Variants in TRPC4 observed in about 807,000 individuals in gnomAD.
TRPC4 encodes the protein short transient receptor potential channel 4.
Under a neutral mutation model 99.4 loss-of-function variants are expected in TRPC4, and 49 were observed. The ratio of observed to expected loss-of-function variants is 0.49; its 90% CI spans 0.39 to 0.63. The LOEUF is 0.63. Among genes scored for constraint, TRPC4 ranks in the 20% least tolerant of loss-of-function variants. The pLI, the probability that TRPC4 is intolerant of heterozygous loss-of-function variation, is 0.00. For missense variants in TRPC4, 898 were observed against 1,152.9 expected (o/e 0.78, Z 3.20); for synonymous variants, 454 against 425.9 (o/e 1.07, Z -0.81).
chr13:37,697,853 T>C (rs1953964156), intron 3 of TRPC4, among the ~76,000 whole-genome samples: 3 of 152,226 alleles, frequency 2.0e-5, no homozygotes, highest in South Asian at 4.1e-4. Context: ...TTGTATCTGA[T>C]AAATATACAA....
chr13:37,820,499 A>C (rs1050323743), intron 1 of TRPC4, among the ~76,000 whole-genome samples: 1 of 152,114 alleles, frequency 6.6e-6, no homozygotes, highest in Non-Finnish European at 1.5e-5. Flanking sequence ...ATAAAACTTC[A>C]GTTCAATATC....
intron 2 of TRPC4, among the ~76,000 whole-genome samples, chr13:37,770,066 T>C (rs1285649728): frequency 6.6e-6 from 1 of 151,566 alleles, no homozygotes; most frequent in Non-Finnish European, 1.5e-5. Context: ...CCTGAAATAT[T>C]TCCTTTTATA....
At chr13:37,725,076 A>C (rs1955003551) in intron 3 of TRPC4, among the ~76,000 whole-genome samples, 1 of 152,210 alleles carries the variant, frequency 6.6e-6, no homozygotes, top group Middle Eastern at 3.4e-3. Context: ...AAAAAAAGAA[A>C]CAAAAAATAA....
intron 1 of TRPC4, among the ~76,000 whole-genome samples, chr13:37,796,113 G>GT (rs1283272270): frequency 1.3e-5 from 2 of 152,146 alleles, no homozygotes; most frequent in African/African-American, 4.8e-5. Context: ...ATGCTCCTGA[G>GT]TGAGGCTGGT....
intron 7 of TRPC4, 102 bp downstream of exon 7, chr13:37,654,986 G>T (rs1952176326): frequency 2.1e-6 from 2 of 936,126 alleles, no homozygotes; most frequent in Non-Finnish European, 1.5e-6. Context: ...CTAATCAATA[G>T]CTAATTATAG....
At chr13:37,815,063 A>C (rs2139498005) in intron 1 of TRPC4, among the ~76,000 whole-genome samples, 1 of 151,914 alleles carries the variant, frequency 6.6e-6, no homozygotes, top group South Asian at 2.1e-4. Flanking sequence ...AAAGGTGTCA[A>C]GAAAAATTTA....
chr13:37,745,473 T>TATACACAC (rs1288455219), intron 3 of TRPC4, among the ~76,000 whole-genome samples: 6 of 5,390 alleles, frequency 1.1e-3, no homozygotes, highest in Admixed American at 3.7e-3. Context: ...TATATATATA[T>TATACACAC]ACACACACAC....
chr13:37,864,492 T>C (rs146077462), intron 1 of TRPC4, among the ~76,000 whole-genome samples: 3 of 151,822 alleles, frequency 2.0e-5, no homozygotes, highest in African/African-American at 4.8e-5. Flanking sequence ...ATTATCACAA[T>C]TGGCATCATT....
intron 2 of TRPC4, among the ~76,000 whole-genome samples, chr13:37,758,565 AATAAAAT>A (rs1956150027): frequency 6.6e-6 from 1 of 151,832 alleles, no homozygotes; most frequent in Non-Finnish European, 1.5e-5. Context: ...AAGATTAGAA[AATAAAAT>A]ATTAAGAAAC....
chr13:37,778,634 T>G (rs1956766311), intron 2 of TRPC4, among the ~76,000 whole-genome samples: 1 of 152,046 alleles, frequency 6.6e-6, no homozygotes, highest in African/African-American at 2.4e-5. Flanking sequence ...CCCTGCATTA[T>G]TTTTAGTAGA....
chr13:37,774,930 C>G (rs187368603), intron 2 of TRPC4, among the ~76,000 whole-genome samples: 1 of 149,146 alleles, frequency 6.7e-6, no homozygotes, highest in South Asian at 2.1e-4. Context: ...GTTTATATGA[C>G]TTACTATTAT....
rs530572740 is a variant in TRPC4 at position 37,634,290 on chromosome 13, T to A, written c.*2613A>T. Among the ~76,000 whole-genome samples, 96 of 152,204 alleles carry A rather than the reference T, an allele frequency of 6.3e-4. No homozygotes were observed. The highest frequency in any genetic ancestry group is 1.2e-3 in the Non-Finnish European group (82 of 67,960). The stretch of plus-strand genomic sequence containing the variant: ...CTGTTGTTTGACTTTTCTTATTTTA[T>A]CCCTACTCCTCATCTTCATTAATGC... On this transcript the variant is annotated 3_prime_UTR_variant, in exon 11 of 11. Coordinates refer to ENST00000379705, the MANE Select transcript of TRPC4 (RefSeq NM_016179.4).
intron 1 of TRPC4, among the ~76,000 whole-genome samples, chr13:37,788,499 G>A (rs562914986): frequency 3.9e-5 from 6 of 151,950 alleles, no homozygotes; most frequent in South Asian, 2.1e-4. Context: ...CAAGTCTTAC[G>A]AGTTTTCAGT....
chr13:37,846,600 C>T (rs569945981), intron 1 of TRPC4, among the ~76,000 whole-genome samples: 30 of 150,820 alleles, frequency 2.0e-4, no homozygotes, highest in South Asian at 4.2e-4. Context: ...CAAAGCATAC[C>T]GCCACAGAAA....
chr13:37,862,943 C>T (rs1959480942), intron 1 of TRPC4, among the ~76,000 whole-genome samples: 1 of 151,372 alleles, frequency 6.6e-6, no homozygotes, highest in Admixed American at 6.6e-5. Context: ...GATTATAATA[C>T]TGTATTTTTA....
intron 2 of TRPC4, among the ~76,000 whole-genome samples, chr13:37,768,068 C>T (rs17056597): frequency 0.1 from 15,142 of 151,248 alleles, 1,110 homozygotes; most frequent in African/African-American, 0.21. Flanking sequence ...AGGGAACAAA[C>T]TAAAGTGAGA....
rs1022681504 is a variant in TRPC4, at chr13:37,636,223, C to A, written c.*680G>T. ...CTGGAGGGGCGAGTTTTTTTCCTGA[C>A]AAAATGTCGTTAAAAATCATCAGTC... On this transcript the variant is annotated 3_prime_UTR_variant, in exon 11 of 11. Coordinates refer to ENST00000379705, the MANE Select transcript of TRPC4 (RefSeq NM_016179.4). Among the ~76,000 whole-genome samples, 4 of 151,654 alleles carry A rather than the reference C, an allele frequency of 2.6e-5. No individual in the cohort carries two copies. Among genetic ancestry groups the A allele is most frequent in the Non-Finnish European group, 5.9e-5 (4 of 67,904 alleles).
intron 2 of TRPC4, among the ~76,000 whole-genome samples, chr13:37,771,992 G>A (rs1956561976): frequency 1.3e-5 from 2 of 151,558 alleles, no homozygotes; most frequent in African/African-American, 4.8e-5. Context: ...TTGGACTAGG[G>A]GGCAGCTGTG....
chr13:37,831,097 T>TC (rs1958409762), intron 1 of TRPC4, among the ~76,000 whole-genome samples: 1 of 142,116 alleles, frequency 7.0e-6, no homozygotes, highest in Admixed American at 6.8e-5. Flanking sequence ...TACAGAAGAA[T>TC]TTTTTTTTCA....
Sources: allele counts gnomAD v4.1 joint callset (sites outside exome capture counted in the v4.1 genomes callset), GRCh38; gene constraint gnomAD v4.1.1; transcripts MANE v1.5; gene names NCBI Gene and HGNC (gene_info 2026-07-23, HGNC 2026-07-21).